TENM3: variants seen among roughly 807,000 people sequenced by gnomAD.
TENM3 encodes the protein teneurin-3.
TENM3 carries 63 observed loss-of-function variants against 255.1 expected under a neutral mutation model. The observed-to-expected ratio is 0.25, with a 90% CI of 0.20 to 0.30. The LOEUF is 0.30. Ranked by LOEUF, TENM3 falls within the 10% of genes least tolerant of loss-of-function variation. The pLI, the probability that TENM3 is intolerant of heterozygous loss-of-function variation, is 1.00. For missense variants in TENM3, 2,929 were observed against 3,461.1 expected (o/e 0.85, Z 3.86); for synonymous variants, 1,306 against 1,322.3 (o/e 0.99, Z 0.27).
chr4:181,719,947 C>T, the TENM3 span, among the ~76,000 whole-genome samples: 1 of 152,208 alleles, frequency 6.6e-6, no homozygotes, highest in East Asian at 1.9e-4. Flanking sequence ...TATGTGCCTA[C>T]TGCATGCATG....
At chr4:181,966,146 C>T in the TENM3 span, among the ~76,000 whole-genome samples, 288 of 152,172 alleles carry the variant, frequency 1.9e-3, 1 homozygote, top group African/African-American at 6.7e-3. Context: ...TTTTGACACC[C>T]GATGAAGCCA....
At chr4:182,322,456 C>CT (rs1308581527) in intron 1 of TENM3, among the ~76,000 whole-genome samples, 9 of 152,264 alleles carry the variant, frequency 5.9e-5, no homozygotes, top group Non-Finnish European at 1.0e-4. Context: ...CTGTGGAACT[C>CT]TGTGATTATT....
At chr4:182,584,063 A>G (rs754578574) in intron 3 of TENM3, among the ~76,000 whole-genome samples, 6 of 152,248 alleles carry the variant, frequency 3.9e-5, no homozygotes, top group African/African-American at 1.2e-4. Flanking sequence ...AAGATTTTCA[A>G]CAGAAGGGCT....
the TENM3 span, among the ~76,000 whole-genome samples, chr4:181,524,627 G>A: frequency 2.6e-5 from 4 of 152,258 alleles, no homozygotes; most frequent in South Asian, 8.3e-4. Flanking sequence ...TCACAGTAAT[G>A]TTCTTTGGAG....
chr4:181,494,964 G>A, the TENM3 span, among the ~76,000 whole-genome samples: 1 of 152,032 alleles, frequency 6.6e-6, no homozygotes, highest in African/African-American at 2.4e-5. Flanking sequence ...GTTCGGAGAA[G>A]TTATCTCTTA....
At chr4:181,630,256 CT>C in the TENM3 span, among the ~76,000 whole-genome samples, 1 of 152,150 alleles carries the variant, frequency 6.6e-6, no homozygotes, top group Non-Finnish European at 1.5e-5. Flanking sequence ...TGCTAGTGGT[CT>C]ATCAATTGTG....
chr4:181,895,464 C>G, the TENM3 span, among the ~76,000 whole-genome samples: 1 of 151,172 alleles, frequency 6.6e-6, no homozygotes, highest in Non-Finnish European at 1.5e-5. Context: ...ATTCAGTACA[C>G]ACTCGCGCTC....
chr4:181,664,739 C>G, the TENM3 span, among the ~76,000 whole-genome samples: 4 of 152,044 alleles, frequency 2.6e-5, no homozygotes, highest in Non-Finnish European at 5.9e-5. Context: ...CTTGGCGGCC[C>G]GTGATGTCCA....
Position 182,398,901 on chromosome 4 carries a change from G to T in TENM3, c.511+51972G>T, listed in dbSNP as rs187521312. ...TTTGGGAGTTAAAAAATGGATAATTGCCAACTCCTTAGTTCAATTCAATTC... is the reference window on the plus strand; with the variant it reads ...TTTGGGAGTTAAAAAATGGATAATTTCCAACTCCTTAGTTCAATTCAATTC... On this transcript the variant is annotated intron_variant, in intron 3 of 27. Coordinates refer to ENST00000511685, the MANE Select transcript of TENM3 (RefSeq NM_001080477.4). Among the ~76,000 whole-genome samples, 11 of 152,298 alleles carry T rather than the reference G, an allele frequency of 7.2e-5. No individual in the cohort carries two copies. In the East Asian group the frequency reaches 1.5e-3, roughly 21 times the overall value.
the TENM3 span, among the ~76,000 whole-genome samples, chr4:181,589,131 C>A: frequency 6.6e-6 from 1 of 152,092 alleles, no homozygotes; most frequent in Non-Finnish European, 1.5e-5. Context: ...ATAGAGGCAA[C>A]CATCTGTCTT....
the TENM3 span, among the ~76,000 whole-genome samples, chr4:181,584,354 T>C: frequency 6.6e-5 from 10 of 152,348 alleles, no homozygotes; most frequent in East Asian, 1.9e-3. Flanking sequence ...GAAGTCTCAG[T>C]GACCTAATTT....
At chr4:182,347,222 A>C (rs912581310) in intron 3 of TENM3, among the ~76,000 whole-genome samples, 5 of 152,202 alleles carry the variant, frequency 3.3e-5, no homozygotes, top group Admixed American at 3.3e-4. Flanking sequence ...TACAGAAAAA[A>C]AAAATAGCTT....
intron 6 of TENM3, among the ~76,000 whole-genome samples, chr4:182,665,048 C>A (rs188579832): frequency 3.9e-5 from 6 of 152,276 alleles, no homozygotes; most frequent in Admixed American, 3.9e-4. Flanking sequence ...GATGAAAGAG[C>A]CTTAGACTGG....
intron 1 of TENM3, among the ~76,000 whole-genome samples, chr4:182,318,800 C>T (rs1016697095): frequency 6.6e-6 from 1 of 152,178 alleles, no homozygotes; most frequent in East Asian, 1.9e-4. Flanking sequence ...CAGAGTCGCA[C>T]TCTGTTGCCT....
the TENM3 span, among the ~76,000 whole-genome samples, chr4:181,692,635 A>T: frequency 6.6e-6 from 1 of 152,190 alleles, no homozygotes; most frequent in Non-Finnish European, 1.5e-5. Flanking sequence ...GCATAGACAC[A>T]GTTAATTTAG....
chr4:182,395,056 CT>C, intron 3 of TENM3, among the ~76,000 whole-genome samples: 1 of 152,148 alleles, frequency 6.6e-6, no homozygotes, highest in East Asian at 1.9e-4. Context: ...CATTAGAGGG[CT>C]TTTCATGCTT....
At chr4:181,598,505 T>A in the TENM3 span, among the ~76,000 whole-genome samples, 6 of 152,302 alleles carry the variant, frequency 3.9e-5, no homozygotes, top group African/African-American at 9.6e-5. Context: ...TAGATTTTTT[T>A]AATTAAGAAT....
chr4:182,520,386 A>G (rs1738446714), intron 3 of TENM3, among the ~76,000 whole-genome samples: 1 of 152,202 alleles, frequency 6.6e-6, no homozygotes, highest in African/African-American at 2.4e-5. Flanking sequence ...GGCAAATAGA[A>G]TCCTTGGTGT....
the TENM3 span, among the ~76,000 whole-genome samples, chr4:181,511,112 T>C: frequency 6.6e-6 from 1 of 152,124 alleles, no homozygotes; most frequent in South Asian, 2.1e-4. Context: ...AGATGTCCAA[T>C]GGGCAGAGGA....
Sources: gnomAD v4.1 joint callset for allele counts (sites outside exome capture counted in the v4.1 genomes callset) on GRCh38, gnomAD v4.1.1 for gene constraint, MANE v1.5 for transcripts, NCBI Gene and HGNC (gene_info 2026-07-23, HGNC 2026-07-21) for gene names.